PPP1CC: variants seen among roughly 807,000 people sequenced by gnomAD.
The protein encoded by PPP1CC is serine/threonine-protein phosphatase PP1-gamma catalytic subunit.
In PPP1CC, 16 loss-of-function variants were observed where a neutral mutation model predicts 38.4. That is an observed-to-expected ratio of 0.42 (90% confidence interval 0.28 to 0.63). The LOEUF is 0.63. Among genes scored for constraint, PPP1CC ranks in the 30% least tolerant of loss-of-function variants. The probability of loss-of-function intolerance (pLI) is 0.25; values close to 1 mark genes in which losing one functional copy is unlikely to be tolerated. For synonymous variants in PPP1CC, 158 were observed against 136.0 expected (o/e 1.16, Z -1.13); for missense variants, 170 against 391.3 (o/e 0.43, Z 4.77).
chr12:110,730,725 T>C lies in PPP1CC; in HGVS notation c.222A>G (p.Arg74=). Residue 74 remains arginine (R), a synonymous_variant, in exon 3 of 7, where the codon CGA becomes CGG. Transcript: ENST00000335007. ...DIHGQYYDLL[R]LFEYGGFPPE... ...GTGGGAAACCACCGTACTCAAAAAG[T>C]CGCAGCAAATCATAGTATTGTCCAT... 4 of 1,613,848 alleles carry C rather than the reference T, an allele frequency of 2.5e-6. No homozygotes were observed. The highest frequency in any genetic ancestry group is 3.4e-6 in the Non-Finnish European group (4 of 1,179,928).
In PPP1CC at chr12:110,722,026, C is replaced by T; in HGVS notation, c.882+109G>A. On this transcript the variant is annotated intron_variant, in intron 6 of 6. Coordinates refer to ENST00000335007, the MANE Select transcript of PPP1CC (RefSeq NM_002710.4). This position sits in a 1 kb window ranked among gnomAD's most constrained non-coding sequence, Gnocchi z 5.4. ...CACACTGGTTAAGGGAAAATAAAAA[C>T]TTAGCCTACTCAGCATAAGTGAACA... The T allele has an allele frequency of 2.2e-6, 3 of 1,348,480 alleles. No homozygotes were observed. The highest frequency in any genetic ancestry group is 3.0e-6 in the Non-Finnish European group (3 of 983,616). 83.5% of individuals were successfully genotyped at this position (1,348,480 alleles called of 1,614,324 possible). A position where few individuals can be genotyped will look rare whatever the true frequency, so the allele number is the denominator to read the frequency against.
the PPP1CC span, among the ~76,000 whole-genome samples, chr12:110,709,972 A>AATAATAATAATG: frequency 6.3e-5 from 9 of 143,592 alleles, no homozygotes; most frequent in African/African-American, 1.8e-4. Context: ...TAATAATAAT[A>AATAATAATAATG]ATAAAGGAAA....
intron 3 of PPP1CC, among the ~76,000 whole-genome samples, chr12:110,726,853 G>A (rs1243266117): frequency 6.6e-6 from 1 of 152,154 alleles, no homozygotes; most frequent in Non-Finnish European, 1.5e-5. Context: ...TCCCGGTAAG[G>A]AATACTTAAC....
chr12:110,734,991 A>AG (rs1248610483), intron 1 of PPP1CC: 1 of 143,318 alleles, frequency 7.0e-6, no homozygotes, highest in Non-Finnish European at 1.5e-5. Flanking sequence ...CTCCATCTCA[A>AG]GAAAAAAAAA....
rs558720069 is a variant in PPP1CC at position 110,722,709 on chromosome 12, A to G, written c.524-14T>C. 259 of 637,436 alleles carry G rather than the reference A, an allele frequency of 4.1e-4. No individual in the cohort carries two copies. Among genetic ancestry groups the G allele is most frequent in the East Asian group, 5.5e-4 (9 of 16,312 alleles). 39.5% of individuals were successfully genotyped at this position (637,436 alleles called of 1,614,324 possible). Reference sequence around the variant, plus strand: ...CTGGTGATAAACCTATTCAATGAGGAAAAAAAAAAAATGAAGAAAGCAGAA... The same window carrying G: ...CTGGTGATAAACCTATTCAATGAGGGAAAAAAAAAAATGAAGAAAGCAGAA... On this transcript the variant is annotated splice_polypyrimidine_tract_variant and intron_variant, in intron 4 of 6. Coordinates refer to ENST00000335007, the MANE Select transcript of PPP1CC (RefSeq NM_002710.4). This position sits in a 1 kb window ranked among gnomAD's most constrained non-coding sequence, Gnocchi z 5.4.
chr12:110,714,561 C>T, the PPP1CC span, among the ~76,000 whole-genome samples: 8 of 151,936 alleles, frequency 5.3e-5, no homozygotes, highest in East Asian at 1.5e-3. Flanking sequence ...AATCCCAGCA[C>T]TTTGGGAGGC....
At chr12:110,727,843 G>A (rs1245489194) in intron 3 of PPP1CC, among the ~76,000 whole-genome samples, 3 of 152,102 alleles carry the variant, frequency 2.0e-5, no homozygotes, top group Non-Finnish European at 4.4e-5. Flanking sequence ...AATTATATCT[G>A]CCTGATGAGA....
intron 4 of PPP1CC, among the ~76,000 whole-genome samples, chr12:110,724,107 G>A (rs997482208): frequency 2.0e-5 from 3 of 152,048 alleles, no homozygotes; most frequent in Admixed American, 6.6e-5. Context: ...GCGTGGTGGC[G>A]GGTGGCTGCA....
chr12:110,712,565 G>A, the PPP1CC span, among the ~76,000 whole-genome samples: 6 of 147,942 alleles, frequency 4.1e-5, no homozygotes, highest in Non-Finnish European at 7.4e-5. Flanking sequence ...ACTTGAATCC[G>A]GGAAGCGGAG....
the PPP1CC span, among the ~76,000 whole-genome samples, chr12:110,710,263 C>T: frequency 6.6e-6 from 1 of 152,118 alleles, no homozygotes; most frequent in Non-Finnish European, 1.5e-5. Flanking sequence ...CAAATTAAGG[C>T]CAGGTGCAGT....
chr12:110,741,948 A>G (rs1411488688), intron 1 of PPP1CC, among the ~76,000 whole-genome samples: 1 of 152,214 alleles, frequency 6.6e-6, no homozygotes, highest in Non-Finnish European at 1.5e-5. Context: ...CTTAAGACAG[A>G]GCCTGGCACA....
At chr12:110,721,325 A>G in intron 6 of PPP1CC, 160 bp from the exon 7 acceptor site, 1 of 567,666 alleles carries the variant, frequency 1.8e-6, no homozygotes, top group Non-Finnish European at 3.1e-6. Context: ...GTTGAATGTA[A>G]ACATTTGGTA....
the PPP1CC span, among the ~76,000 whole-genome samples, chr12:110,713,716 T>C: frequency 6.6e-6 from 1 of 152,288 alleles, no homozygotes; most frequent in East Asian, 1.9e-4. Flanking sequence ...CCTCCAATAT[T>C]ATTTTGTTTG....
In PPP1CC at chr12:110,722,201, A is replaced by G; in HGVS notation, c.816T>C (p.Tyr272=). 1 of 1,614,222 alleles carries G rather than the reference A, an allele frequency of 6.2e-7. No individual in the cohort carries two copies. The highest frequency in any genetic ancestry group is 8.5e-7 in the Non-Finnish European group (1 of 1,180,026). ...QLVTLFSAPN[Y]CGEFDNAGAM... ...CACCTGCATTGTCAAACTCTCCGCAATAATTGGGCGCAGAAAACAGAGTGA... is the reference window on the plus strand; with the variant it reads ...CACCTGCATTGTCAAACTCTCCGCAGTAATTGGGCGCAGAAAACAGAGTGA... The change falls in exon 6 of 7, where the codon TAT becomes TAC. Residue 272 remains tyrosine, a synonymous_variant. Coordinates refer to ENST00000335007, the MANE Select transcript of PPP1CC (RefSeq NM_002710.4). The surrounding 1 kb of genome is among the most constrained non-coding windows in gnomAD (Gnocchi z 5.4).
chr12:110,721,241 A>C, intron 6 of PPP1CC, 76 bp from the exon 7 acceptor site: 1 of 1,296,032 alleles, frequency 7.7e-7, no homozygotes, highest in South Asian at 1.2e-5. Context: ...TTTCATTCAG[A>C]TCTTCTGTTC....
downstream of PPP1CC, among the ~76,000 whole-genome samples, chr12:110,716,015 G>A (rs1345702773): frequency 2.0e-5 from 3 of 152,190 alleles, no homozygotes; most frequent in African/African-American, 7.2e-5. Flanking sequence ...TGAGGTTGGT[G>A]GAAAGGCAAG....
At chr12:110,717,900 C>T (rs1451100576), downstream of PPP1CC, among the ~76,000 whole-genome samples, 1 of 152,194 alleles carries the variant, frequency 6.6e-6, no homozygotes, top group Non-Finnish European at 1.5e-5. Flanking sequence ...ATTTTTCATG[C>T]AGCACTTCCC....
intron 1 of PPP1CC, among the ~76,000 whole-genome samples, chr12:110,737,771 T>A (rs2069964255): frequency 6.6e-6 from 1 of 151,536 alleles, no homozygotes; most frequent in Non-Finnish European, 1.5e-5. Context: ...ACCCCTGTCT[T>A]TAAGAAAAAA....
intron 1 of PPP1CC, among the ~76,000 whole-genome samples, chr12:110,742,135 G>T (rs1421810435): frequency 6.6e-6 from 1 of 151,960 alleles, no homozygotes; most frequent in Non-Finnish European, 1.5e-5. Flanking sequence ...ACAAGAAATG[G>T]GCCCCCCAAG....
Sources: allele counts gnomAD v4.1 joint callset (sites outside exome capture counted in the v4.1 genomes callset), GRCh38; gene constraint gnomAD v4.1.1; non-coding constraint Gnocchi (gnomAD v3.1); transcripts MANE v1.5; gene names NCBI Gene and HGNC (gene_info 2026-07-23, HGNC 2026-07-21).